FGF12: variants seen among roughly 807,000 people sequenced by gnomAD.
The protein encoded by FGF12 is fibroblast growth factor 12.
FGF12 carries 14 observed loss-of-function variants against 23.6 expected under a neutral mutation model. The ratio of observed to expected loss-of-function variants is 0.59; its 90% confidence interval spans 0.39 to 0.93. FGF12 has a LOEUF of 0.93. FGF12 is among the 40% of genes least tolerant of loss of function. FGF12 has a pLI of 0.00. For synonymous variants in FGF12, 62 were observed against 77.3 expected, an observed-to-expected ratio of 0.80 and a Z score of 1.04; for missense variants, 175 against 217.8, an observed-to-expected ratio of 0.80 and a Z score of 1.24.
intron 4 of FGF12, among the ~76,000 whole-genome samples, chr3:192,181,860 G>A (rs1404118109): frequency 6.6e-6 from 1 of 150,962 alleles, no homozygotes. Context: ...CGAACTCCTG[G>A]GATCAACCCA....
At chr3:192,166,484 G>A (rs4583582) in intron 5 of FGF12, among the ~76,000 whole-genome samples, 116,702 of 152,178 alleles carry the variant, frequency 0.77, 44,872 homozygotes, top group South Asian at 0.87. Flanking sequence ...ACTGTAGCCT[G>A]TCTTACCAGT....
chr3:192,431,176 G>C (rs1441005979), intron 2 of FGF12, among the ~76,000 whole-genome samples: 1 of 152,106 alleles, frequency 6.6e-6, no homozygotes, highest in Non-Finnish European at 1.5e-5. Flanking sequence ...AGGCAAAAAC[G>C]GCCTTTACCA....
chr3:192,667,311 G>T (rs1214617769), intron 2 of FGF12, among the ~76,000 whole-genome samples: 1 of 152,042 alleles, frequency 6.6e-6, no homozygotes, highest in African/African-American at 2.4e-5. Context: ...GAGTTTTAAA[G>T]GATGAGTAGA....
intron 4 of FGF12, among the ~76,000 whole-genome samples, chr3:192,277,672 T>C (rs1713876747): frequency 6.6e-6 from 1 of 152,194 alleles, no homozygotes; most frequent in Admixed American, 6.5e-5. Context: ...CCTCCTTGCG[T>C]GTATTCAGAG....
chr3:192,591,659 C>CA (rs1474675767), intron 2 of FGF12, among the ~76,000 whole-genome samples: 2 of 151,896 alleles, frequency 1.3e-5, no homozygotes, highest in African/African-American at 4.8e-5. Flanking sequence ...TAGTACCCAA[C>CA]ATAAGCAAGG....
At chr3:192,561,647 C>T (rs558127595) in intron 2 of FGF12, among the ~76,000 whole-genome samples, 3 of 152,278 alleles carry the variant, frequency 2.0e-5, no homozygotes, top group African/African-American at 7.2e-5. Flanking sequence ...CAGGCGTGAG[C>T]CACCGTGCCT....
chr3:192,268,373 C>A (rs1292549757), intron 4 of FGF12, among the ~76,000 whole-genome samples: 2 of 152,164 alleles, frequency 1.3e-5, no homozygotes, highest in African/African-American at 4.8e-5. Flanking sequence ...AATAAGAGGT[C>A]ATGTGGGATA....
At chr3:192,692,976 G>GA (rs535727148) in intron 2 of FGF12, among the ~76,000 whole-genome samples, 3,511 of 139,738 alleles carry the variant, frequency 0.025, 50 homozygotes, top group Non-Finnish European at 0.03. Context: ...AACCAGAAAA[G>GA]AAAAAAAAAA....
intron 2 of FGF12, among the ~76,000 whole-genome samples, chr3:192,612,450 C>T (rs1391685733): frequency 2.6e-5 from 4 of 152,004 alleles, no homozygotes; most frequent in Admixed American, 1.3e-4. Flanking sequence ...ACATGGTTGA[C>T]TTCATATTCA....
chr3:192,287,106 C>G (rs1042560674), intron 4 of FGF12, among the ~76,000 whole-genome samples: 2 of 152,102 alleles, frequency 1.3e-5, no homozygotes, highest in East Asian at 3.9e-4. Flanking sequence ...CTATACTAAC[C>G]TTTTTTCTCC....
chr3:192,693,780 C>G (rs543000999), intron 2 of FGF12, among the ~76,000 whole-genome samples: 1 of 152,138 alleles, frequency 6.6e-6, no homozygotes, highest in Admixed American at 6.5e-5. Context: ...AAACACAGAG[C>G]CGTAAAACTC....
At chr3:192,706,584 T>C (rs1316996834) in intron 2 of FGF12, among the ~76,000 whole-genome samples, 2 of 152,080 alleles carry the variant, frequency 1.3e-5, no homozygotes, top group African/African-American at 4.8e-5. Flanking sequence ...TAATAACAAC[T>C]TGCTTGTCAT....
At chr3:192,597,088 T>C (rs989926209) in intron 2 of FGF12, among the ~76,000 whole-genome samples, 1 of 152,204 alleles carries the variant, frequency 6.6e-6, no homozygotes, top group Admixed American at 6.5e-5. Context: ...CAAAAATATA[T>C]GTGAAACTAA....
intron 2 of FGF12, among the ~76,000 whole-genome samples, chr3:192,700,736 A>T (rs879293862): frequency 2.0e-5 from 3 of 152,114 alleles, no homozygotes; most frequent in Non-Finnish European, 4.4e-5. Flanking sequence ...CCATGATGGG[A>T]AGAGGGGGGT....
chr3:192,463,416 T>C (rs1461384424), intron 2 of FGF12, among the ~76,000 whole-genome samples: 1 of 151,728 alleles, frequency 6.6e-6, no homozygotes, highest in Non-Finnish European at 1.5e-5. Context: ...TGAGACTCTG[T>C]CTCAAAAAAA....
In FGF12 at chr3:192,208,954, T is replaced by C. The variant is rs148409616; in HGVS notation, c.229-38298A>G. Among the ~76,000 whole-genome samples the C allele has an allele frequency of 3.9e-3, 597 of 152,332 alleles. 5 individuals are homozygous for C. Among genetic ancestry groups the C allele is most frequent in the African/African-American group, 0.013 (560 of 41,588 alleles). On this transcript the variant is annotated intron_variant, in intron 4 of 5. Coordinates refer to ENST00000445105, the MANE Select transcript of FGF12 (RefSeq NM_004113.6). ...AGAGAATTCCTTGTTGATAAAAGCA[T>C]GTGGCAGAAACTGACAACTGTCTTT...
intron 2 of FGF12, among the ~76,000 whole-genome samples, chr3:192,404,208 A>G (rs1720872542): frequency 6.6e-6 from 1 of 152,184 alleles, no homozygotes; most frequent in Non-Finnish European, 1.5e-5. Context: ...TTATATAGAA[A>G]TATAATAAAA....
rs571953639 is a variant in FGF12, at chr3:192,480,661, T to C, written c.14-120123A>G. 2.0e-5 allele frequency among the ~76,000 whole-genome samples: 3 copies of C among 152,264 alleles called. No homozygotes were observed. The East Asian group carries it at 5.8e-4, about 29-fold the overall frequency. ...CACTATGGGGAAACACTGAGACCTC[T>C]TTCAACTCTCCCTACACTGAAGCAA... On this transcript the variant is annotated intron_variant, in intron 2 of 5. Transcript: ENST00000445105.
intron 2 of FGF12, among the ~76,000 whole-genome samples, chr3:192,648,686 C>A (rs1475237622): frequency 6.6e-6 from 1 of 151,790 alleles, no homozygotes; most frequent in African/African-American, 2.4e-5. Context: ...GCTTTGTGCT[C>A]CAAAATTTAC....
Sources: allele counts gnomAD v4.1 joint callset (sites outside exome capture counted in the v4.1 genomes callset), GRCh38; gene constraint gnomAD v4.1.1; transcripts MANE v1.5; gene names NCBI Gene and HGNC (gene_info 2026-07-23, HGNC 2026-07-21).